TRIM49: variants seen among roughly 807,000 people sequenced by gnomAD.
TRIM49 encodes the protein tripartite motif-containing protein 49.
A neutral mutation model predicts 27.4 loss-of-function variants in TRIM49; 5 were observed. The ratio of observed to expected loss-of-function variants is 0.18; its 90% CI spans 0.10 to 0.38. The LOEUF is 0.38. TRIM49 is among the 10% of genes least tolerant of loss of function. TRIM49 has a pLI of 1.00. For synonymous variants in TRIM49, 69 were observed against 166.0 expected (o/e 0.42, Z 4.49); for missense variants, 188 against 487.5 (o/e 0.39, Z 5.79).
the TRIM49 span, chr11:89,766,872 C>T: frequency 4.1e-6 from 4 of 985,882 alleles, no homozygotes; most frequent in Non-Finnish European, 6.2e-6. Context: ...GGAGTCCTTA[C>T]AGACTCCCAG....
intron 2 of TRIM49, among the ~76,000 whole-genome samples, chr11:89,806,128 C>T (rs958032680): frequency 2.7e-5 from 4 of 149,226 alleles, no homozygotes; most frequent in African/African-American, 1.0e-4. Context: ...CAATAGGCTA[C>T]AAACCTGTAC....
the TRIM49 span, chr11:89,787,280 C>T: frequency 4.3e-6 from 1 of 231,416 alleles, no homozygotes; most frequent in East Asian, 1.3e-4. Context: ...CCTCTAACAG[C>T]CCCGCCGTGG....
the TRIM49 span, among the ~76,000 whole-genome samples, chr11:89,788,254 TACTCGGGA>T: frequency 2.6e-5 from 1 of 39,210 alleles, no homozygotes; most frequent in Non-Finnish European, 5.0e-5. Context: ...GTGGCACAAC[TACTCGGGA>T]GGCTGAGGCC....
chr11:89,772,185 TTC>T, the TRIM49 span, among the ~76,000 whole-genome samples: 1 of 138,152 alleles, frequency 7.2e-6, no homozygotes, highest in Non-Finnish European at 1.5e-5. Context: ...TAAATATATT[TTC>T]TTTTTATTTT....
chr11:89,807,088 G>T lies in TRIM49; in HGVS notation c.-5+11C>A, dbSNP rs1949794057. 1 of 152,164 alleles carries T rather than the reference G, an allele frequency of 6.6e-6. No homozygotes were observed. Among genetic ancestry groups the T allele is most frequent in the African/African-American group, 2.4e-5 (1 of 41,382 alleles). The allele number at this position is 152,164 out of a possible 1,614,324, so 9.4% of individuals were successfully genotyped here. ...AAAGATGATATAATTTTATCAATAT[G>T]TTTCACTCACCCTGGAGTTCTTTTA... On this transcript the variant is annotated intron_variant, in intron 2 of 7. Transcript: ENST00000329758.
chr11:89,802,432 T>C (rs988172081), intron 4 of TRIM49, among the ~76,000 whole-genome samples: 15 of 150,520 alleles, frequency 1.0e-4, no homozygotes, highest in Non-Finnish European at 1.8e-4. Flanking sequence ...CCTGAATTCA[T>C]TTCCTTCTAT....
downstream of TRIM49, among the ~76,000 whole-genome samples, chr11:89,793,079 C>T (rs866745962): frequency 9.6e-3 from 1,456 of 150,946 alleles, no homozygotes; most frequent in African/African-American, 0.034. Context: ...ACCGATCCCA[C>T]AGAAATACAA....
the TRIM49 span, chr11:89,786,188 T>C: frequency 8.4e-6 from 1 of 119,622 alleles, no homozygotes; most frequent in Non-Finnish European, 1.7e-5. Context: ...GAGGGCGTCC[T>C]GGAGGCGCGG....
chr11:89,791,338 A>T, the TRIM49 span, among the ~76,000 whole-genome samples: 1 of 152,214 alleles, frequency 6.6e-6, no homozygotes, highest in African/African-American at 2.4e-5. Flanking sequence ...TATCCAGGAG[A>T]ACTTCCCCAA....
At chr11:89,768,775 G>A in the TRIM49 span, 12 of 502,878 alleles carry the variant, frequency 2.4e-5, 1 homozygote, top group South Asian at 1.2e-4. Flanking sequence ...TTCACAGCAC[G>A]CCTTGTGCTC....
chr11:89,777,420 C>T, the TRIM49 span: 7 of 1,534,056 alleles, frequency 4.6e-6, no homozygotes, highest in East Asian at 1.2e-4. Context: ...TTGAATTATA[C>T]AGAATCCCAA....
the TRIM49 span, among the ~76,000 whole-genome samples, chr11:89,776,465 G>A: frequency 6.7e-6 from 1 of 148,996 alleles, no homozygotes; most frequent in African/African-American, 2.5e-5. Flanking sequence ...CACCGTATTA[G>A]CCAGGATGAT....
the TRIM49 span, among the ~76,000 whole-genome samples, chr11:89,774,208 G>A: frequency 1.3e-5 from 2 of 150,612 alleles, no homozygotes; most frequent in Non-Finnish European, 2.9e-5. Context: ...CACTATCTTG[G>A]CCAGGCTGGT....
At chr11:89,777,511 A>T in the TRIM49 span, 2 of 1,375,874 alleles carry the variant, frequency 1.5e-6, no homozygotes, top group Middle Eastern at 2.6e-4. Flanking sequence ...TGTCAATCAT[A>T]ACACATGAAT....
intron 6 of TRIM49, among the ~76,000 whole-genome samples, chr11:89,800,177 G>A (rs1722281001): frequency 6.6e-6 from 1 of 151,282 alleles, no homozygotes; most frequent in African/African-American, 2.5e-5. Context: ...TGCATCCACT[G>A]CTTCCTTCTC....
the TRIM49 span, chr11:89,786,171 A>C: frequency 9.8e-6 from 1 of 101,994 alleles, no homozygotes; most frequent in African/African-American, 5.0e-5. Context: ...TGGAGAGCGT[A>C]CCGGAGGAGG....
chr11:89,770,975 A>G, the TRIM49 span, among the ~76,000 whole-genome samples: 1 of 110,020 alleles, frequency 9.1e-6, no homozygotes, highest in Non-Finnish European at 1.8e-5. Flanking sequence ...CACTCTATCA[A>G]TTTTTTTTTT....
At chr11:89,768,109 C>T in the TRIM49 span, 80 of 757,476 alleles carry the variant, frequency 1.1e-4, 5 homozygotes, top group South Asian at 1.1e-3. Context: ...GATGAAAAAT[C>T]GTTACACTGG....
intron 4 of TRIM49, among the ~76,000 whole-genome samples, chr11:89,802,892 C>T (rs539594977): frequency 1.3e-5 from 2 of 149,502 alleles, no homozygotes; most frequent in East Asian, 3.9e-4. Flanking sequence ...CAATTTGACT[C>T]TCTTATTTGG....
Sources: allele counts gnomAD v4.1 joint callset (sites outside exome capture counted in the v4.1 genomes callset), GRCh38; gene constraint gnomAD v4.1.1; transcripts MANE v1.5; gene names NCBI Gene and HGNC (gene_info 2026-07-23, HGNC 2026-07-21).